Variants in KLC3 observed in about 807,000 individuals in gnomAD.
KLC3 encodes the protein kinesin light chain 3.
Under a neutral mutation model 62.9 loss-of-function variants are expected in KLC3, and 72 were observed. The ratio of observed to expected loss-of-function variants is 1.15; its 90% CI spans 0.95 to 1.39. The LOEUF is 1.39. KLC3 is among the 40% of genes most tolerant of loss of function. The pLI is 0.00. For synonymous variants in KLC3, 377 were observed against 300.5 expected (o/e 1.25, Z -2.63); for missense variants, 848 against 691.6 (o/e 1.23, Z -2.54).
At chr19:45,349,627 G>A (rs1247023997) in intron 8 of KLC3, 25 bp downstream of exon 8, 2 of 1,590,898 alleles carry the variant, frequency 1.3e-6, no homozygotes, top group East Asian at 2.3e-5. Context: ...GCTCAGAGTG[G>A]GCCAAGAGTG....
intron 2 of KLC3, 112 bp from the exon 3 acceptor site, chr19:45,346,432 G>T (rs12979984): frequency 4.5e-6 from 4 of 885,374 alleles, no homozygotes; most frequent in South Asian, 3.7e-5. Flanking sequence ...AGAATCTGGG[G>T]GTGTCGTGCA....
At chr19:45,350,466 G>A in intron 9 of KLC3, 35 bp downstream of exon 9, 1 of 1,613,486 alleles carries the variant, frequency 6.2e-7, no homozygotes, top group Non-Finnish European at 8.5e-7. Context: ...TTCCCTCCTG[G>A]TGGCTTCTCT....
chr19:45,341,901 T>C (rs1489467109), intron 1 of KLC3, among the ~76,000 whole-genome samples: 1 of 151,382 alleles, frequency 6.6e-6, no homozygotes, highest in Non-Finnish European at 1.5e-5. Flanking sequence ...ACGTGGACAT[T>C]TAAGTGGGAT....
At chr19:45,341,748 G>C (rs898989481) in intron 1 of KLC3, among the ~76,000 whole-genome samples, 1 of 141,990 alleles carries the variant, frequency 7.0e-6, no homozygotes, top group Non-Finnish European at 1.5e-5. Context: ...GGATGAGTGA[G>C]GTGTGGAGGT....
Position 45,350,207 on chromosome 19 carries a change from A to AGGCTAGGAGTTCAAGACCAGCCT in KLC3, c.1144-131_1144-109dup. On this transcript the variant is annotated intron_variant, in intron 8 of 12. Transcript: ENST00000391946. ...GAGGCCAAGGCAGGAGGATCACTTG[A>AGGCTAGGAGTTCAAGACCAGCCT]GGCTAGGAGTTCAAGACCAGCCTGG... 3 of 659,892 alleles carry AGGCTAGGAGTTCAAGACCAGCCT rather than the reference A, an allele frequency of 4.5e-6. No homozygotes were observed. In the African/African-American group the frequency reaches 5.5e-5, roughly 12 times the overall value. The allele number at this position is 659,892 out of a possible 1,614,324, so 40.9% of individuals were successfully genotyped here.
In KLC3 at chr19:45,350,725, G is replaced by T; in HGVS notation, c.1357G>T (p.Glu453Ter). 2 of 1,613,036 alleles carry T rather than the reference G, an allele frequency of 1.2e-6. No individual in the cohort carries two copies. The highest frequency in any genetic ancestry group is 1.3e-5 in the African/African-American group (1 of 75,010). Residue 453 changes from glutamate to a stop codon, truncating the protein, a stop_gained, in exon 11 of 13, where the codon GAG becomes TAG. Coordinates refer to ENST00000391946, the MANE Select transcript of KLC3 (RefSeq NM_177417.3). LOFTEE classifies it high-confidence loss of function. ...GAAGCTGGTCTCCCGGCTCCGAGGC[G>T]AGGCGGCGGCAGGAGCAGCCGGGTG... ...SEKLVSRLRG[E>*]AAAGAAGMKR...
intron 7 of KLC3, 33 bp downstream of exon 7, chr19:45,348,954 C>T (rs1366369025): frequency 1.3e-6 from 2 of 1,532,880 alleles, no homozygotes; most frequent in African/African-American, 2.7e-5. Context: ...CCGAGGAACC[C>T]CTTGTCCCAT....
chr19:45,342,963 G>C (rs1466333335), intron 1 of KLC3, among the ~76,000 whole-genome samples: 4 of 152,196 alleles, frequency 2.6e-5, no homozygotes, highest in Non-Finnish European at 5.9e-5. Flanking sequence ...GCAGTGGCTT[G>C]AGTGAAGTGT....
intron 2 of KLC3, 33 bp from the exon 3 acceptor site, chr19:45,346,511 C>T (rs1317431264): frequency 1.2e-5 from 18 of 1,495,866 alleles, no homozygotes; most frequent in Non-Finnish European, 1.5e-5. Flanking sequence ...AGGGCAGGAA[C>T]CAACCTCGAC....
intron 8 of KLC3, 180 bp downstream of exon 8, chr19:45,349,782 G>T (rs892859754): frequency 8.0e-5 from 48 of 600,336 alleles, no homozygotes; most frequent in African/African-American, 2.1e-4. Flanking sequence ...CAGGAAACGC[G>T]TAAGTCCACG....
chr19:45,351,164 TTTAC>T (rs1971748309), intron 12 of KLC3, 118 bp from the exon 13 acceptor site: 1 of 1,588,968 alleles, frequency 6.3e-7, no homozygotes, highest in South Asian at 1.1e-5. Flanking sequence ...AAAGATGGGT[TTTAC>T]TTGGGGTAGA....
rs994103837 is a variant in KLC3, at chr19:45,350,677, G to A, written c.1309G>A (p.Glu437Lys). The change falls in exon 11 of 13, where the codon GAG becomes AAG. Residue 437 changes from glutamate to lysine, a missense_variant. Transcript: ENST00000391946. ...RRSSSLSKIR[E>K]SIRRGSEKLV... Reference sequence around the variant, plus strand: ...CAGCAGCTCACTCTCCAAGATCCGTGAGTCTATCAGGCGAGGAAGTGAGAA... The same window carrying A: ...CAGCAGCTCACTCTCCAAGATCCGTAAGTCTATCAGGCGAGGAAGTGAGAA... The A allele has an allele frequency of 1.2e-6, 2 of 1,613,892 alleles. No individual in the cohort carries two copies. The highest frequency in any genetic ancestry group is 2.2e-5 in the East Asian group (1 of 44,864).
chr19:45,349,068 C>T (rs908041674), intron 7 of KLC3, 147 bp downstream of exon 7: 6 of 719,922 alleles, frequency 8.3e-6, no homozygotes, highest in Non-Finnish European at 9.2e-6. Flanking sequence ...ATCACCCAAC[C>T]CATCACCCTT....
At position 45,347,473 on chromosome 19, in the gene KLC3, C is replaced by T; in HGVS notation, c.516C>T (p.Asp172=). The part of the protein sequence containing the change: ...SQQSESPPRR[D]SLASLFPSEE... The stretch of plus-strand genomic sequence containing the variant: ...AGTCTGAGTCCCCGCCTCGCCGAGA[C>T]AGCCTGGCCTCCCTGTTCCCCAGCG... The change falls in exon 4 of 13, where the codon GAC becomes GAT. Residue 172 remains aspartate, a synonymous_variant. Transcript: ENST00000391946. 1.9e-6 allele frequency: 3 copies of T among 1,612,648 alleles called. No homozygotes were observed. The highest frequency in any genetic ancestry group is 2.5e-6 in the Non-Finnish European group (3 of 1,179,356).
At position 45,350,697 on chromosome 19, in the gene KLC3, T is replaced by G. The variant is rs1568527896; in HGVS notation, c.1329T>G (p.Ser443Arg). 2 of 1,613,614 alleles carry G rather than the reference T, an allele frequency of 1.2e-6. No homozygotes were observed. Among genetic ancestry groups the G allele is most frequent in the Non-Finnish European group, 1.7e-6 (2 of 1,179,872 alleles). The change falls in exon 11 of 13, where the codon AGT becomes AGG. Residue 443 changes from serine to arginine, a missense_variant. Physicochemically the swap from Ser to Arg is moderately radical, Grantham distance 110. Transcript: ENST00000391946. ...SKIRESIRRGSEKLVSRLRGE... is the reference protein window; with the variant it reads ...SKIRESIRRGREKLVSRLRGE... ...TCCGTGAGTCTATCAGGCGAGGAAGTGAGAAGCTGGTCTCCCGGCTCCGAG... is the reference window on the plus strand; with the variant it reads ...TCCGTGAGTCTATCAGGCGAGGAAGGGAGAAGCTGGTCTCCCGGCTCCGAG...
At chr19:45,341,617 G>T (rs1469872525) in intron 1 of KLC3, among the ~76,000 whole-genome samples, 1 of 149,880 alleles carries the variant, frequency 6.7e-6, no homozygotes, top group Non-Finnish European at 1.5e-5. Flanking sequence ...CACTGGATCA[G>T]TGATAGGTGA....
chr19:45,349,400 C>G (rs1971600666), intron 7 of KLC3, 29 bp from the exon 8 acceptor site: 1 of 1,578,152 alleles, frequency 6.3e-7, no homozygotes, highest in African/African-American at 1.3e-5. Context: ...CCTGTATGAT[C>G]CCTCTGACTT....
At chr19:45,342,455 T>C (rs1443746077) in intron 1 of KLC3, among the ~76,000 whole-genome samples, 1 of 152,002 alleles carries the variant, frequency 6.6e-6, no homozygotes. Flanking sequence ...ATAGTTTAGT[T>C]TTTTAAAAAT....
At chr19:45,341,205 T>G (rs1971387621) in intron 1 of KLC3, among the ~76,000 whole-genome samples, 1 of 151,320 alleles carries the variant, frequency 6.6e-6, no homozygotes, top group South Asian at 2.1e-4. Flanking sequence ...TGTGTGTGTG[T>G]GTGTGTGTGG....
Sources: gnomAD v4.1 joint callset for allele counts (sites outside exome capture counted in the v4.1 genomes callset) on GRCh38, gnomAD v4.1.1 for gene constraint, MANE v1.5 for transcripts, NCBI Gene and HGNC (gene_info 2026-07-23, HGNC 2026-07-21) for gene names.